EXOC1: variants seen among roughly 807,000 people sequenced by gnomAD.
The protein encoded by EXOC1 is SEC3-like 1.
EXOC1 carries 67 observed loss-of-function variants against 107.7 expected under a neutral mutation model. That is an observed-to-expected ratio of 0.62 (90% CI 0.51 to 0.76). EXOC1 has a LOEUF of 0.76. EXOC1 is among the 30% of genes least tolerant of loss of function. EXOC1 has a pLI of 0.00. For synonymous variants in EXOC1, 348 were observed against 353.5 expected (o/e 0.98, Z 0.17); for missense variants, 833 against 1,055.7 (o/e 0.79, Z 2.92).
intron 9 of EXOC1, among the ~76,000 whole-genome samples, chr4:55,878,561 A>C (rs1388377953): frequency 1.3e-5 from 2 of 152,196 alleles, no homozygotes. Context: ...AAAATTAAAC[A>C]CTAAACTGGA....
chr4:55,871,072 T>C, intron 6 of EXOC1, 29 bp from the exon 7 acceptor site: 3 of 1,606,082 alleles, frequency 1.9e-6, no homozygotes, highest in Admixed American at 1.7e-5. Flanking sequence ...AAATTACACA[T>C]GCAAATGGTG....
At chr4:55,884,622 T>C (rs1401775135) in intron 10 of EXOC1, among the ~76,000 whole-genome samples, 2 of 152,228 alleles carry the variant, frequency 1.3e-5, no homozygotes, top group African/African-American at 2.4e-5. Context: ...TGCTCTTGCA[T>C]GTATCCATCT....
chr4:55,876,264 G>A (rs1722885666), intron 8 of EXOC1: 1 of 985,392 alleles, frequency 1.0e-6, no homozygotes, highest in Non-Finnish European at 1.2e-6. Context: ...TTTGGAAGAT[G>A]TGATTGTTTT....
chr4:55,869,647 G>A (rs1283718575), intron 5 of EXOC1, among the ~76,000 whole-genome samples: 1 of 152,180 alleles, frequency 6.6e-6, no homozygotes, highest in Non-Finnish European at 1.5e-5. Flanking sequence ...ATTTTAAGAT[G>A]TTAAGGAAGA....
At chr4:55,870,637 T>G in intron 5 of EXOC1, 41 bp from the exon 6 acceptor site, 1 of 1,504,506 alleles carries the variant, frequency 6.6e-7, no homozygotes, top group Non-Finnish European at 9.2e-7. Context: ...TTTTTGTTTG[T>G]TTGTTTGTTT....
intron 16 of EXOC1, among the ~76,000 whole-genome samples, chr4:55,897,607 G>C (rs1334683466): frequency 2.0e-5 from 3 of 151,950 alleles, no homozygotes; most frequent in African/African-American, 7.2e-5. Context: ...TTCAGGAATT[G>C]TAAAAGCTAA....
Position 55,891,282 on chromosome 4 carries a change from C to T in EXOC1, c.1540-33C>T, listed in dbSNP as rs762529571. ...GTTATTTTAAGCATTTGGTGCAGTT[C>T]TTTCGTTATAGGATCACTTTGGTTT... On this transcript the variant is annotated intron_variant, in intron 12 of 18. Coordinates refer to ENST00000381295, the MANE Select transcript of EXOC1 (RefSeq NM_001024924.2). 2.9e-6 allele frequency: 4 copies of T among 1,383,500 alleles called. No homozygotes were observed. In the South Asian group the frequency reaches 3.5e-5, roughly 12 times the overall value. The allele number at this position is 1,383,500 out of a possible 1,614,324, so 85.7% of individuals were successfully genotyped here. A position where few individuals can be genotyped will look rare whatever the true frequency, so the allele number is the denominator to read the frequency against.
chr4:55,857,491 G>A (rs1260210090), intron 1 of EXOC1, among the ~76,000 whole-genome samples: 2 of 151,772 alleles, frequency 1.3e-5, no homozygotes, highest in Non-Finnish European at 1.5e-5. Flanking sequence ...TTTTGCAGCC[G>A]AATAATAATC....
chr4:55,877,085 G>A (rs1722969930), intron 8 of EXOC1: 17 of 975,120 alleles, frequency 1.7e-5, no homozygotes, highest in Non-Finnish European at 2.1e-5. Flanking sequence ...ATATAGTACA[G>A]TATATAAATT....
At chr4:55,864,895 G>C (rs1175680003) in intron 4 of EXOC1, among the ~76,000 whole-genome samples, 7 of 152,134 alleles carry the variant, frequency 4.6e-5, no homozygotes, top group Non-Finnish European at 8.8e-5. Context: ...TGTACAGAGG[G>C]TAGATGTAGT....
At chr4:55,862,274 T>C (rs1372424623) in intron 3 of EXOC1, among the ~76,000 whole-genome samples, 2 of 152,164 alleles carry the variant, frequency 1.3e-5, no homozygotes, top group African/African-American at 4.8e-5. Flanking sequence ...CTTATTTGAA[T>C]GCATTCTCAC....
rs758913371 is a variant in EXOC1 at position 55,902,298 on chromosome 4, T to C, written c.2338-46T>C. The C allele has an allele frequency of 4.5e-6, 6 of 1,323,920 alleles. No homozygotes were observed. The East Asian group carries it at 8.4e-5, about 19-fold the overall frequency. 82.0% of individuals were successfully genotyped at this position (1,323,920 alleles called of 1,614,324 possible). ...AATCAGATTTTTTTAATGTAAATAATAATAAATGCAGGTCTTAGCCATTGT... is the reference window on the plus strand; with the variant it reads ...AATCAGATTTTTTTAATGTAAATAACAATAAATGCAGGTCTTAGCCATTGT... On this transcript the variant is annotated intron_variant, in intron 17 of 18. Transcript: ENST00000381295.
At position 55,898,651 on chromosome 4, in the gene EXOC1, C is replaced by T. The variant is rs1725529120; in HGVS notation, c.2138-1034C>T. ...CCAAACTTTTAAATTCCCTGTCCCT[C>T]TCTTCTATATATGGGCATATTGTAT... On this transcript the variant is annotated intron_variant, in intron 16 of 18. Transcript: ENST00000381295. 4.6e-5 allele frequency among the ~76,000 whole-genome samples: 7 copies of T among 152,254 alleles called. No homozygotes were observed. In the South Asian group the frequency reaches 1.5e-3, roughly 32 times the overall value.
intron 9 of EXOC1, among the ~76,000 whole-genome samples, chr4:55,878,757 AT>A (rs1421746905): frequency 6.6e-6 from 1 of 152,184 alleles, no homozygotes. Flanking sequence ...GGTGGGAAAA[AT>A]ACACGCTTGT....
At position 55,868,309 on chromosome 4, in the gene EXOC1, T is replaced by G. The variant is rs112859996; in HGVS notation, c.416-27T>G. 3.0e-3 allele frequency: 4,691 copies of G among 1,580,760 alleles called. 114 individuals carry two copies. The African/African-American group carries it at 0.054, about 18-fold the overall frequency. On this transcript the variant is annotated intron_variant, in intron 4 of 18. Coordinates refer to ENST00000381295, the MANE Select transcript of EXOC1 (RefSeq NM_001024924.2). Reference sequence around the variant, plus strand: ...TAGTCTTTTCTACTTTTTTGACTATTTTACTTTGAATTTTTACCTCTTTAA... The same window carrying G: ...TAGTCTTTTCTACTTTTTTGACTATGTTACTTTGAATTTTTACCTCTTTAA...
At chr4:55,876,643 TGTTCTA>T in intron 8 of EXOC1, 2 of 985,396 alleles carry the variant, frequency 2.0e-6, no homozygotes, top group Non-Finnish European at 1.2e-6. Flanking sequence ...GTTGCCCCTG[TGTTCTA>T]GTTCTTGTTA....
intron 1 of EXOC1, among the ~76,000 whole-genome samples, chr4:55,855,079 G>T (rs961524021): frequency 3.3e-5 from 5 of 152,184 alleles, no homozygotes; most frequent in Non-Finnish European, 7.4e-5. Context: ...AAGTACCAAA[G>T]TGAAGATTTG....
intron 8 of EXOC1, among the ~76,000 whole-genome samples, chr4:55,872,323 C>T (rs193170318): frequency 2.0e-4 from 30 of 152,170 alleles, no homozygotes; most frequent in Admixed American, 1.8e-3. Context: ...AGACTCAGGA[C>T]TTGATTCAGT....
intron 10 of EXOC1, among the ~76,000 whole-genome samples, chr4:55,888,106 A>G (rs528685269): frequency 2.6e-5 from 4 of 152,296 alleles, no homozygotes; most frequent in African/African-American, 9.6e-5. Flanking sequence ...CACCTTTCAC[A>G]TCAACTTCTA....
Sources: allele counts gnomAD v4.1 joint callset (sites outside exome capture counted in the v4.1 genomes callset), GRCh38; gene constraint gnomAD v4.1.1; transcripts MANE v1.5; gene names NCBI Gene and HGNC (gene_info 2026-07-23, HGNC 2026-07-21).